DTNBP1: variants seen among roughly 807,000 people sequenced by gnomAD.
The protein encoded by DTNBP1 is dystrobrevin binding protein 1, also known as dysbindin.
Under a neutral mutation model 42.8 loss-of-function variants are expected in DTNBP1, and 35 were observed. The observed-to-expected ratio is 0.82, with a 90% CI of 0.63 to 1.09. DTNBP1 has a LOEUF of 1.09. Ranked by LOEUF, DTNBP1 falls within the 50% of genes least tolerant of loss-of-function variation. The probability of loss-of-function intolerance (pLI) is 0.00; values close to 1 mark genes in which losing one functional copy is unlikely to be tolerated. For missense variants in DTNBP1, 457 were observed against 424.2 expected (o/e 1.08, Z -0.68); for synonymous variants, 171 against 162.2 (o/e 1.05, Z -0.41).
chr6:15,523,728 G>T, intron 9 of DTNBP1: 1 of 1,287,204 alleles, frequency 7.8e-7, no homozygotes, highest in South Asian at 1.2e-5. Context: ...CCCTGACTCT[G>T]GGTGAGGGTT....
intron 7 of DTNBP1, among the ~76,000 whole-genome samples, chr6:15,576,993 C>G (rs746028599): frequency 6.6e-5 from 10 of 151,788 alleles, no homozygotes; most frequent in Non-Finnish European, 1.5e-4. Flanking sequence ...ACATTTTAGA[C>G]AAAAAAGAGG....
chr6:15,617,870 A>G (rs1055035059), intron 5 of DTNBP1, among the ~76,000 whole-genome samples: 1 of 152,184 alleles, frequency 6.6e-6, no homozygotes, highest in Non-Finnish European at 1.5e-5. Flanking sequence ...AAAAATAGAC[A>G]AACTAGACTG....
At chr6:15,600,723 G>A (rs1776696213) in intron 6 of DTNBP1, among the ~76,000 whole-genome samples, 1 of 152,196 alleles carries the variant, frequency 6.6e-6, no homozygotes, top group African/African-American at 2.4e-5. Context: ...CAGGTGGTAG[G>A]AGAGGAAGGA....
intron 6 of DTNBP1, among the ~76,000 whole-genome samples, chr6:15,605,701 T>C (rs1758007329): frequency 6.6e-6 from 1 of 152,228 alleles, no homozygotes; most frequent in Non-Finnish European, 1.5e-5. Context: ...TTTTGGCTCC[T>C]ATACTAAATA....
At chr6:15,604,744 C>T (rs933810556) in intron 6 of DTNBP1, among the ~76,000 whole-genome samples, 3 of 148,856 alleles carry the variant, frequency 2.0e-5, no homozygotes, top group African/African-American at 7.7e-5. Context: ...CCAAATGTTA[C>T]CAAAAAACAA....
chr6:15,523,763 C>T (rs1384662643), intron 9 of DTNBP1: 2 of 1,287,202 alleles, frequency 1.6e-6, no homozygotes, highest in Non-Finnish European at 2.0e-6. Context: ...GTATTCTGGC[C>T]TTCTCAGGAT....
intron 6 of DTNBP1, among the ~76,000 whole-genome samples, chr6:15,606,416 G>T (rs1758056376): frequency 6.6e-6 from 1 of 152,174 alleles, no homozygotes; most frequent in African/African-American, 2.4e-5. Flanking sequence ...ATTTGGGTTG[G>T]TGTGGTGGTG....
intron 7 of DTNBP1, among the ~76,000 whole-genome samples, chr6:15,534,300 T>G (rs536698997): frequency 6.6e-6 from 1 of 152,326 alleles, no homozygotes; most frequent in Admixed American, 6.5e-5. Context: ...GCTGGACACT[T>G]ATGAATTCTA....
rs144968986 is a variant in DTNBP1, at chr6:15,524,599, T to C, written c.738A>G (p.Ile246Met). The stretch of plus-strand genomic sequence containing the variant: ...AGACGTCCAGGGCCTCCTGGTCCGA[T>C]ATGTCCATCAGGTCCATCTGCTCCA... ...DMLEQMDLMD[I>M]SDQEALDVFL... Residue 246 changes from isoleucine (I) to methionine (M), a missense_variant, in exon 9 of 10, where the codon ATA becomes ATG. Transcript: ENST00000344537. 9.3e-6 allele frequency: 15 copies of C among 1,613,838 alleles called. No individual in the cohort carries two copies. The African/African-American group carries it at 1.9e-4, about 20-fold the overall frequency.
At chr6:15,627,522 C>A (rs773621492) in intron 4 of DTNBP1, 47 bp from the exon 5 acceptor site, 3 of 1,611,368 alleles carry the variant, frequency 1.9e-6, no homozygotes, top group African/African-American at 1.3e-5. Context: ...GTTTTAGGCA[C>A]AAAGAAAGTA....
chr6:15,659,678 A>G (rs1761488129), intron 1 of DTNBP1, among the ~76,000 whole-genome samples: 1 of 151,068 alleles, frequency 6.6e-6, no homozygotes, highest in East Asian at 1.9e-4. Flanking sequence ...TCAGCCTTCC[A>G]AGTAGCTGGA....
intron 7 of DTNBP1, among the ~76,000 whole-genome samples, chr6:15,575,978 A>C (rs1775545110): frequency 6.6e-6 from 1 of 152,214 alleles, no homozygotes. Flanking sequence ...AGGAGACACA[A>C]GTATGGCCCT....
intron 6 of DTNBP1, among the ~76,000 whole-genome samples, chr6:15,593,962 T>C (rs1443687643): frequency 1.3e-5 from 2 of 152,168 alleles, no homozygotes; most frequent in African/African-American, 4.8e-5. Flanking sequence ...TGTTCCAAAA[T>C]AGCTGACTAC....
intron 4 of DTNBP1, among the ~76,000 whole-genome samples, chr6:15,635,125 TTTG>T (rs1179351843): frequency 1.3e-5 from 2 of 152,288 alleles, no homozygotes; most frequent in African/African-American, 2.4e-5. Flanking sequence ...TTCTGTAGTT[TTTG>T]TTGTTGTTGC....
rs774559610 is a variant in DTNBP1, at chr6:15,662,877, GC to G, written c.-9del. On this transcript the variant is annotated 5_prime_UTR_variant, in exon 1 of 10. Transcript: ENST00000344537. ...GCGAAGGGTCTCCAGCATTGCCGCC[GC>G]CGCCGGTCTCCTCTCCTCAGGCCTC... 10 of 1,604,252 alleles carry G rather than the reference GC, an allele frequency of 6.2e-6. No homozygotes were observed. In the South Asian group the frequency reaches 1.1e-4, roughly 18 times the overall value.
intron 6 of DTNBP1, among the ~76,000 whole-genome samples, chr6:15,611,203 T>C (rs1302284881): frequency 4.6e-5 from 7 of 152,160 alleles, no homozygotes; most frequent in African/African-American, 7.2e-5. Flanking sequence ...TGAAAATCCA[T>C]AGAATTATGC....
At chr6:15,538,934 G>A (rs1028491574) in intron 7 of DTNBP1, among the ~76,000 whole-genome samples, 3 of 152,138 alleles carry the variant, frequency 2.0e-5, no homozygotes, top group Non-Finnish European at 2.9e-5. Context: ...CAAAACAAAC[G>A]CAGCAGCTCT....
chr6:15,628,810 A>T (rs1759512979), intron 4 of DTNBP1, among the ~76,000 whole-genome samples: 1 of 152,206 alleles, frequency 6.6e-6, no homozygotes, highest in Admixed American at 6.5e-5. Flanking sequence ...TATATCAAAG[A>T]TACAAAATTA....
intron 7 of DTNBP1, among the ~76,000 whole-genome samples, chr6:15,567,457 G>GAAAC (rs59351095): frequency 0.1 from 15,198 of 150,016 alleles, 935 homozygotes; most frequent in Non-Finnish European, 0.14. Context: ...TGTCTCTCGG[G>GAAAC]AAACAAACAA....
Sources: allele counts gnomAD v4.1 joint callset (sites outside exome capture counted in the v4.1 genomes callset), GRCh38; gene constraint gnomAD v4.1.1; transcripts MANE v1.5; gene names NCBI Gene and HGNC (gene_info 2026-07-23, HGNC 2026-07-21).